Variants in ARHGAP15 observed in about 807,000 individuals in gnomAD.
The protein encoded by ARHGAP15 is rho GTPase-activating protein 15.
In ARHGAP15, 51 loss-of-function variants were observed where a neutral mutation model predicts 63.7. The ratio of observed to expected loss-of-function variants is 0.80; its 90% confidence interval spans 0.64 to 1.01. ARHGAP15 has a LOEUF of 1.01. Among genes scored for constraint, ARHGAP15 ranks in the 50% least tolerant of loss-of-function variants. The pLI is 0.00. For missense variants in ARHGAP15, 560 were observed against 564.6 expected, an observed-to-expected ratio of 0.99 and a Z score of 0.08; for synonymous variants, 191 against 193.8, an observed-to-expected ratio of 0.99 and a Z score of 0.12.
Position 143,174,060 on chromosome 2 carries a change from A to G in ARHGAP15, c.165+18405A>G, listed in dbSNP as rs182721339. Among the ~76,000 whole-genome samples, 160 of 152,174 alleles carry G rather than the reference A, an allele frequency of 1.1e-3. 1 individual carries two copies. Among genetic ancestry groups the G allele is most frequent in the African/African-American group, 3.8e-3 (157 of 41,552 alleles). ...GGTGCCCACTTTGAGTCAACGTCGC[A>G]TTTATCAAACAGTTCCCTCTCACCC... is the stretch of plus-strand genomic sequence containing the variant. On this transcript the variant is annotated intron_variant, in intron 2 of 13. Coordinates refer to ENST00000295095, the MANE Select transcript of ARHGAP15 (RefSeq NM_018460.4).
At chr2:143,345,732 G>A (rs969931281) in intron 6 of ARHGAP15, among the ~76,000 whole-genome samples, 4 of 152,038 alleles carry the variant, frequency 2.6e-5, no homozygotes, top group African/African-American at 9.7e-5. Flanking sequence ...TAGAATGCTA[G>A]GCATATGAAT....
chr2:143,595,917 T>A (rs772540316), intron 11 of ARHGAP15, among the ~76,000 whole-genome samples: 5 of 152,144 alleles, frequency 3.3e-5, no homozygotes, highest in Non-Finnish European at 7.4e-5. Context: ...CCAAGATCCA[T>A]CCCTTAAACT....
intron 11 of ARHGAP15, among the ~76,000 whole-genome samples, chr2:143,588,676 G>T (rs7577569): frequency 6.6e-6 from 1 of 151,880 alleles, no homozygotes; most frequent in African/African-American, 2.4e-5. Flanking sequence ...TCCTTTTTGC[G>T]GCTGCATAGT....
Position 143,644,397 on chromosome 2 carries a change from T to C in ARHGAP15, c.1138+20130T>C, listed in dbSNP as rs1482909525. ...TAGAGAGTGACATTTCTAGGTTTTATGGCTTGCTTTGAGGAAGAGTTCTAG... is the reference window on the plus strand; with the variant it reads ...TAGAGAGTGACATTTCTAGGTTTTACGGCTTGCTTTGAGGAAGAGTTCTAG... On this transcript the variant is annotated intron_variant, in intron 12 of 13. Transcript: ENST00000295095. Among the ~76,000 whole-genome samples, 5 of 152,200 alleles carry C rather than the reference T, an allele frequency of 3.3e-5. No homozygotes were observed. In the East Asian group the frequency reaches 9.7e-4, roughly 29 times the overall value.
At chr2:143,587,756 A>AT in intron 11 of ARHGAP15, 1 of 470,392 alleles carries the variant, frequency 2.1e-6, no homozygotes, top group Non-Finnish European at 4.4e-6. Flanking sequence ...TAAGCTGCAG[A>AT]TTTTTCACAG....
chr2:143,185,170 A>T (rs1691392069), intron 2 of ARHGAP15, among the ~76,000 whole-genome samples: 1 of 152,130 alleles, frequency 6.6e-6, no homozygotes, highest in Non-Finnish European at 1.5e-5. Flanking sequence ...ATACGTTCCG[A>T]TTGAGTTTAA....
chr2:143,674,967 C>T (rs1682752875), intron 12 of ARHGAP15, among the ~76,000 whole-genome samples: 1 of 152,084 alleles, frequency 6.6e-6, no homozygotes, highest in Admixed American at 6.6e-5. Flanking sequence ...CTTCCTTTCA[C>T]AAAAAATTGC....
intron 11 of ARHGAP15, among the ~76,000 whole-genome samples, chr2:143,582,329 A>T (rs1259229284): frequency 6.6e-6 from 1 of 152,172 alleles, no homozygotes; most frequent in Non-Finnish European, 1.5e-5. Context: ...AATTGTGGTA[A>T]TTCCTGTTTC....
At chr2:143,149,065 A>G (rs1332466919) in intron 1 of ARHGAP15, among the ~76,000 whole-genome samples, 1 of 151,970 alleles carries the variant, frequency 6.6e-6, no homozygotes, top group Admixed American at 6.6e-5. Flanking sequence ...TCTACCACAG[A>G]TCAACATAAG....
intron 10 of ARHGAP15, among the ~76,000 whole-genome samples, chr2:143,521,231 A>C (rs1439124994): frequency 6.6e-6 from 1 of 152,218 alleles, no homozygotes; most frequent in Non-Finnish European, 1.5e-5. Flanking sequence ...CTGATAATTC[A>C]AAGCACTTTG....
At chr2:143,677,410 A>G (rs1682880888) in intron 12 of ARHGAP15, among the ~76,000 whole-genome samples, 1 of 152,022 alleles carries the variant, frequency 6.6e-6, no homozygotes, top group Non-Finnish European at 1.5e-5. Context: ...GCTTTTCTGG[A>G]TTTTCCCAGA....
chr2:143,471,693 G>A (rs945911280), intron 8 of ARHGAP15, among the ~76,000 whole-genome samples: 1 of 152,122 alleles, frequency 6.6e-6, no homozygotes, highest in South Asian at 2.1e-4. Flanking sequence ...AGAGGAAGAA[G>A]CATGTGCAAA....
intron 6 of ARHGAP15, among the ~76,000 whole-genome samples, chr2:143,425,374 A>G (rs1689097626): frequency 2.0e-5 from 3 of 151,958 alleles, no homozygotes; most frequent in Non-Finnish European, 4.4e-5. Context: ...ACATATGTAC[A>G]CATGTACTAT....
Position 143,588,851 on chromosome 2 carries a change from G to A in ARHGAP15, c.1003+32366G>A, listed in dbSNP as rs368330963. The stretch of plus-strand genomic sequence containing the variant: ...TTAAACCCTCTGCTTTTTGGATTGG[G>A]CAAGTTTTCTATACTCTTTAATAAA... On this transcript the variant is annotated intron_variant, in intron 11 of 13. Coordinates refer to ENST00000295095, the MANE Select transcript of ARHGAP15 (RefSeq NM_018460.4). 3.3e-5 allele frequency among the ~76,000 whole-genome samples: 5 copies of A among 152,178 alleles called. No homozygotes were observed. The East Asian group carries it at 7.7e-4, about 23-fold the overall frequency.
At chr2:143,602,818 A>G (rs938148903) in intron 11 of ARHGAP15, among the ~76,000 whole-genome samples, 16 of 152,220 alleles carry the variant, frequency 1.1e-4, no homozygotes, top group Non-Finnish European at 1.9e-4. Context: ...TTATTCCTCC[A>G]ATACAAACAT....
chr2:143,278,923 T>A (rs1295339775), intron 6 of ARHGAP15, among the ~76,000 whole-genome samples: 1 of 151,046 alleles, frequency 6.6e-6, no homozygotes. Flanking sequence ...GAAGGCAGAT[T>A]TATTATACAT....
intron 1 of ARHGAP15, among the ~76,000 whole-genome samples, chr2:143,136,121 C>T (rs1186980317): frequency 1.3e-5 from 2 of 151,622 alleles, no homozygotes; most frequent in African/African-American, 4.9e-5. Context: ...ATTAATCTCT[C>T]TTTTCAGGAC....
At chr2:143,146,376 C>G (rs1402378147) in intron 1 of ARHGAP15, among the ~76,000 whole-genome samples, 1 of 151,792 alleles carries the variant, frequency 6.6e-6, no homozygotes, top group Non-Finnish European at 1.5e-5. Flanking sequence ...TGAAATAAGC[C>G]CATCAAGAAA....
chr2:143,218,213 C>A (rs567072559), intron 4 of ARHGAP15, among the ~76,000 whole-genome samples: 175 of 150,420 alleles, frequency 1.2e-3, no homozygotes, highest in Non-Finnish European at 2.1e-4. Flanking sequence ...TTTATTATTT[C>A]ACTTTGCATA....
Sources: allele counts gnomAD v4.1 joint callset (sites outside exome capture counted in the v4.1 genomes callset), GRCh38; gene constraint gnomAD v4.1.1; transcripts MANE v1.5; gene names NCBI Gene and HGNC (gene_info 2026-07-23, HGNC 2026-07-21).